Variants in DNAH1 observed in about 807,000 individuals in gnomAD.
DNAH1 encodes the protein axonemal beta dynein heavy chain 1.
A neutral mutation model predicts 484.3 loss-of-function variants in DNAH1; 327 were observed. That is an observed-to-expected ratio of 0.68 (90% CI 0.62 to 0.74). DNAH1 has a LOEUF of 0.74. Ranked by LOEUF, DNAH1 falls within the 30% of genes least tolerant of loss-of-function variation. DNAH1 has a pLI of 0.00. For synonymous variants in DNAH1, 2,192 were observed against 2,191.9 expected, an observed-to-expected ratio of 1.00 and a Z score of 0.00; for missense variants, 5,052 against 5,546.8, an observed-to-expected ratio of 0.91 and a Z score of 2.83.
rs1408026037 is a variant in DNAH1, at chr3:52,364,240, T to A, written c.5245-398T>A. On this transcript the variant is annotated intron_variant, in intron 32 of 77. Coordinates refer to ENST00000420323, the MANE Select transcript of DNAH1 (RefSeq NM_015512.5). The surrounding 1 kb of genome is among the most constrained non-coding windows in gnomAD (Gnocchi z 4.2). ...GGTGGTGTGGCCAGAAAGACGGGTCTGGAGAGATGTTATGGGAGAATGTTA... is the reference window on the plus strand; with the variant it reads ...GGTGGTGTGGCCAGAAAGACGGGTCAGGAGAGATGTTATGGGAGAATGTTA... Among the ~76,000 whole-genome samples, 1 of 152,134 alleles carries A rather than the reference T, an allele frequency of 6.6e-6. No homozygotes were observed. Among genetic ancestry groups the A allele is most frequent in the Non-Finnish European group, 1.5e-5 (1 of 68,036 alleles).
Position 52,356,863 on chromosome 3 carries a change from C to T in DNAH1, c.3858+85C>T, listed in dbSNP as rs376231670. 235 of 1,469,406 alleles carry T rather than the reference C, an allele frequency of 1.6e-4. 1 individual carries two copies. The South Asian group carries it at 2.7e-3, about 17-fold the overall frequency. The allele number at this position is 1,469,406 out of a possible 1,614,324, so 91.0% of individuals were successfully genotyped here. A position where few individuals can be genotyped will look rare whatever the true frequency, so the allele number is the denominator to read the frequency against. ...TGGTAGCCTCCTAGTCTCTTCCCTC[C>T]CTACACAGAAAAGGCTGGTGGACAA... On this transcript the variant is annotated intron_variant, in intron 22 of 77. Transcript: ENST00000420323.
At chr3:52,352,763 A>G (rs1702447767) in intron 18 of DNAH1, 56 bp downstream of exon 18, 1 of 1,562,192 alleles carries the variant, frequency 6.4e-7, no homozygotes, top group African/African-American at 1.4e-5. Context: ...GAAGCAGCTC[A>G]TGTAGATGCA....
At chr3:52,325,871 G>A (rs988584643) in intron 3 of DNAH1, among the ~76,000 whole-genome samples, 1 of 152,300 alleles carries the variant, frequency 6.6e-6, no homozygotes, top group African/African-American at 2.4e-5. Context: ...TGGGTGGTGT[G>A]GAAAGGAGTG....
chr3:52,369,747 TC>T, intron 37 of DNAH1, 77 bp from the exon 38 acceptor site: 5 of 1,478,102 alleles, frequency 3.4e-6, no homozygotes. Flanking sequence ...GTGCAGCCCC[TC>T]CCCGCAGCCC....
At chr3:52,360,227 A>G (rs750657166) in intron 27 of DNAH1, 84 bp from the exon 28 acceptor site, 14 of 1,506,586 alleles carry the variant, frequency 9.3e-6, no homozygotes, top group East Asian at 2.3e-5. Context: ...CTCATTCCCA[A>G]AAAGAACCCT....
rs1271878651 is a variant in DNAH1 at position 52,344,452 on chromosome 3, G to A, written c.1287-38G>A. On this transcript the variant is annotated intron_variant, in intron 8 of 77. Coordinates refer to ENST00000420323, the MANE Select transcript of DNAH1 (RefSeq NM_015512.5). ...CCCCGGCTGGGGTTCACAGGGTGTG[G>A]AGCCCCTGATTCCCCCATCTCCCAT... The A allele has an allele frequency of 2.5e-6, 4 of 1,602,148 alleles. No individual in the cohort carries two copies. In the African/African-American group the frequency reaches 4.0e-5, roughly 16 times the overall value.
intron 25 of DNAH1, 23 bp from the exon 26 acceptor site, chr3:52,359,223 G>C (rs1430328657): frequency 6.4e-7 from 1 of 1,557,830 alleles, no homozygotes; most frequent in Non-Finnish European, 8.7e-7. Flanking sequence ...GTCCAGGTCA[G>C]CCTGCCCATG....
Position 52,370,526 on chromosome 3 carries a change from T to C in DNAH1, c.6308T>C (p.Ile2103Thr). Reference protein sequence around the residue: ...SEKLSRIVELIEPWFIFSLIW... With the variant: ...SEKLSRIVELTEPWFIFSLIW... ...AAGCTGAGTCGCATCGTAGAGTTGA[T>C]CGAGCCCTGGTTCATCTTCTCCCTG... The change falls in exon 40 of 78, where the codon ATC becomes ACC. Residue 2103 changes from isoleucine (I) to threonine (T), a missense_variant. This residue lies in a region of DNAH1 where 2,929 missense variants were observed against 3,409.4 expected (regional missense o/e 0.86). Transcript: ENST00000420323. The C allele has an allele frequency of 6.2e-7, 1 of 1,613,986 alleles. No individual in the cohort carries two copies. The highest frequency in any genetic ancestry group is 8.5e-7 in the Non-Finnish European group (1 of 1,179,886).
rs376804969 is a variant in DNAH1 at position 52,354,871 on chromosome 3, C to G, written c.3509C>G (p.Ser1170Trp). ...CTGGACAAGATGGAGAAGGAGTGGT[C>G]GACCATCCTGTTCAATGTACTGCCC... is the stretch of plus-strand genomic sequence containing the variant. ...QALDKMEKEWSTILFNVLPYK... is the reference protein window; with the variant it reads ...QALDKMEKEWWTILFNVLPYK... Residue 1170 changes from serine (S) to tryptophan (W), a missense_variant, in exon 21 of 78, where the codon TCG becomes TGG. Coordinates refer to ENST00000420323, the MANE Select transcript of DNAH1 (RefSeq NM_015512.5). 1.2e-6 allele frequency: 2 copies of G among 1,613,682 alleles called. No homozygotes were observed. Among genetic ancestry groups the G allele is most frequent in the Non-Finnish European group, 8.5e-7 (1 of 1,179,884 alleles).
rs1284289849 is a variant in DNAH1, at chr3:52,359,233, G to A, written c.4267-13G>A. 3.2e-6 allele frequency: 5 copies of A among 1,561,694 alleles called. No individual in the cohort carries two copies. The African/African-American group carries it at 6.8e-5, about 21-fold the overall frequency. On this transcript the variant is annotated splice_polypyrimidine_tract_variant and intron_variant, in intron 25 of 77. Coordinates refer to ENST00000420323, the MANE Select transcript of DNAH1 (RefSeq NM_015512.5). ...CGGCTGTCCAGGTCAGCCTGCCCAT[G>A]CTGTCTTCCCAGATGCCCAGGACCC...
At position 52,377,321 on chromosome 3, in the gene DNAH1, C is replaced by T. The variant is rs116455661; in HGVS notation, c.7199-1281C>T. Among the ~76,000 whole-genome samples, 388 of 152,158 alleles carry T rather than the reference C, an allele frequency of 2.5e-3. 1 individual carries two copies. The highest frequency in any genetic ancestry group is 8.9e-3 in the African/African-American group (371 of 41,488). ...TCCCCCCTTCCCTCACCCCACAGCT[C>T]ACCTGTCAGGAGGTCCCATAGGTTC... On this transcript the variant is annotated intron_variant, in intron 46 of 77. Transcript: ENST00000420323.
chr3:52,394,680 T>A lies in DNAH1; in HGVS notation c.10823+19T>A. On this transcript the variant is annotated intron_variant, in intron 67 of 77. Coordinates refer to ENST00000420323, the MANE Select transcript of DNAH1 (RefSeq NM_015512.5). Reference sequence around the variant, plus strand: ...CCCACCGGTTAGCTGGGCCCCAGAATATGGCAGGATGAGCCCATCGAGGGG... The same window carrying A: ...CCCACCGGTTAGCTGGGCCCCAGAAAATGGCAGGATGAGCCCATCGAGGGG... 6.4e-7 allele frequency: 1 copy of A among 1,552,952 alleles called. No homozygotes were observed. The highest frequency in any genetic ancestry group is 8.7e-7 in the Non-Finnish European group (1 of 1,146,162).
At chr3:52,372,167 G>A (rs547333621) in intron 42 of DNAH1, 60 bp from the exon 43 acceptor site, 2 of 1,610,384 alleles carry the variant, frequency 1.2e-6, no homozygotes, top group Non-Finnish European at 1.7e-6. Context: ...TGGATGCAGG[G>A]GCAGCTCCTC....
chr3:52,366,401 G>A (rs1703073617), intron 34 of DNAH1, 56 bp from the exon 35 acceptor site: 3 of 1,436,312 alleles, frequency 2.1e-6, no homozygotes, highest in East Asian at 2.5e-5. Context: ...AGTTAGTGGT[G>A]TGGCCAGGAC....
Position 52,396,781 on chromosome 3 carries a change from A to G in DNAH1, c.11594A>G (p.Asp3865Gly). 2 of 1,613,630 alleles carry G rather than the reference A, an allele frequency of 1.2e-6. No individual in the cohort carries two copies. The highest frequency in any genetic ancestry group is 8.5e-7 in the Non-Finnish European group (1 of 1,179,802). ...SQLKMFLDEY[D>G]DIPYKVLKYT... ...CTCAAGATGTTCCTGGACGAATATG[A>G]TGACATCCCCTACAAGGTGGGCCTG... The change falls in exon 72 of 78, where the codon GAT becomes GGT. Residue 3865 changes from aspartate (D) to glycine (G), a missense_variant. This residue lies in a region of DNAH1 where 853 missense variants were observed against 899.0 expected (regional missense o/e 0.95). Transcript: ENST00000420323.
chr3:52,333,041 A>AGTG (rs958675913), intron 8 of DNAH1, among the ~76,000 whole-genome samples: 1 of 151,984 alleles, frequency 6.6e-6, no homozygotes, highest in Admixed American at 6.6e-5. Flanking sequence ...CATGTACCAC[A>AGTG]ACATCTGGCT....
At chr3:52,357,464 G>A (rs1025617222) in intron 22 of DNAH1, 150 bp from the exon 23 acceptor site, 44 of 978,910 alleles carry the variant, frequency 4.5e-5, no homozygotes, top group Non-Finnish European at 6.1e-5. Flanking sequence ...GCTGATGGTT[G>A]CAGCCACTGG....
chr3:52,359,770 C>A, intron 26 of DNAH1, 146 bp from the exon 27 acceptor site: 1 of 1,077,746 alleles, frequency 9.3e-7, no homozygotes, highest in Non-Finnish European at 1.4e-6. Flanking sequence ...CTTCCCCTGC[C>A]CGGTCCCTGC....
At chr3:52,332,089 C>T in intron 7 of DNAH1, 53 bp from the exon 8 acceptor site, 1 of 1,525,606 alleles carries the variant, frequency 6.6e-7, no homozygotes, top group South Asian at 1.2e-5. Context: ...CCTAGTGTTT[C>T]AGCCCAGAAA....
Sources: allele counts gnomAD v4.1 joint callset (sites outside exome capture counted in the v4.1 genomes callset), GRCh38; gene constraint gnomAD v4.1.1; regional missense constraint gnomAD v4.1.1; non-coding constraint Gnocchi (gnomAD v3.1); transcripts MANE v1.5; gene names NCBI Gene and HGNC (gene_info 2026-07-23, HGNC 2026-07-21).